PDE1C: variants seen among roughly 807,000 people sequenced by gnomAD.
PDE1C encodes the protein dual specificity calcium/calmodulin-dependent 3',5'-cyclic nucleotide phosphodiesterase 1C.
In PDE1C, 62 loss-of-function variants were observed where a neutral mutation model predicts 93.1. The observed-to-expected ratio is 0.67, with a 90% confidence interval of 0.54 to 0.82. PDE1C has a LOEUF of 0.82. PDE1C is among the 40% of genes least tolerant of loss of function. The pLI is 0.00. For synonymous variants in PDE1C, 325 were observed against 310.1 expected (o/e 1.05, Z -0.50); for missense variants, 742 against 884.6 (o/e 0.84, Z 2.04).
intron 2 of PDE1C, among the ~76,000 whole-genome samples, chr7:32,019,502 T>C (rs553617538): frequency 1.2e-4 from 18 of 152,274 alleles, no homozygotes; most frequent in Admixed American, 8.5e-4. Flanking sequence ...GCAGAACCAT[T>C]AAACTGAAAA....
chr7:31,945,929 G>A (rs1007549465), intron 2 of PDE1C, among the ~76,000 whole-genome samples: 1 of 151,888 alleles, frequency 6.6e-6, no homozygotes, highest in Non-Finnish European at 1.5e-5. Context: ...TAAGTTTACT[G>A]ATTCTTTCCT....
upstream of PDE1C, chr7:32,071,323 C>G: frequency 1.0e-6 from 1 of 985,550 alleles, no homozygotes; most frequent in Non-Finnish European, 1.2e-6. Context: ...AGGTCCCCCA[C>G]AGCCTCACTC....
intron 2 of PDE1C, among the ~76,000 whole-genome samples, chr7:32,170,350 T>C (rs913001448): frequency 1.6e-4 from 25 of 152,026 alleles, no homozygotes; most frequent in African/African-American, 6.0e-4. Context: ...AGCCCAAGAC[T>C]CCATTCTATG....
the PDE1C span, among the ~76,000 whole-genome samples, chr7:31,673,360 T>A: frequency 6.6e-6 from 1 of 151,922 alleles, no homozygotes; most frequent in Non-Finnish European, 1.5e-5. Flanking sequence ...AAGTTGAGGG[T>A]CAGAATTCTT....
chr7:32,037,281 TTTA>T lies in PDE1C; in HGVS notation c.128+14270_128+14272del, dbSNP rs1328110884. Among the ~76,000 whole-genome samples, 3 of 152,226 alleles carry T rather than the reference TTTA, an allele frequency of 2.0e-5. No homozygotes were observed. The East Asian group carries it at 5.8e-4, about 29-fold the overall frequency. ...GCATGTTCTCAAGTAGAGAAAGGTC[TTTA>T]TTAGGTGTTTTCTGTCTTTTGCTTG... On this transcript the variant is annotated intron_variant, in intron 2 of 17. Coordinates refer to ENST00000396191, the MANE Select transcript of PDE1C (RefSeq NM_001191057.4).
chr7:32,241,391 T>C (rs1808533667), intron 1 of PDE1C, among the ~76,000 whole-genome samples: 1 of 151,742 alleles, frequency 6.6e-6, no homozygotes, highest in Non-Finnish European at 1.5e-5. Flanking sequence ...AAGGAGGGAG[T>C]GGCCAACCAT....
the PDE1C span, among the ~76,000 whole-genome samples, chr7:31,704,619 C>G: frequency 6.6e-6 from 1 of 152,116 alleles, no homozygotes; most frequent in Non-Finnish European, 1.5e-5. Flanking sequence ...GTGAAATATG[C>G]GGTAACAGAG....
intron 6 of PDE1C, 114 bp from the exon 7 acceptor site, chr7:31,865,196 T>C (rs1212486301): frequency 2.1e-6 from 2 of 935,354 alleles, no homozygotes; most frequent in Non-Finnish European, 1.6e-6. Context: ...CATGAGGAAA[T>C]TGGAACTTAC....
chr7:32,186,165 C>T (rs2128817027), intron 2 of PDE1C, among the ~76,000 whole-genome samples: 1 of 149,482 alleles, frequency 6.7e-6, no homozygotes, highest in East Asian at 2.0e-4. Context: ...TGCAGTGGCG[C>T]AATCTCGGCT....
At chr7:32,183,058 A>C (rs1205828796) in intron 2 of PDE1C, among the ~76,000 whole-genome samples, 1 of 152,186 alleles carries the variant, frequency 6.6e-6, no homozygotes, top group Non-Finnish European at 1.5e-5. Flanking sequence ...CAATTGCTTC[A>C]AAGAGAATAA....
intron 1 of PDE1C, among the ~76,000 whole-genome samples, chr7:32,337,866 C>G (rs1426424913): frequency 6.6e-6 from 1 of 152,130 alleles, no homozygotes; most frequent in Non-Finnish European, 1.5e-5. Context: ...AGCCACGGAG[C>G]AAGCAAACGA....
At chr7:32,424,977 G>C (rs977484491) in intron 1 of PDE1C, among the ~76,000 whole-genome samples, 2 of 152,162 alleles carry the variant, frequency 1.3e-5, no homozygotes, top group Non-Finnish European at 2.9e-5. Flanking sequence ...TTTACTAGCT[G>C]TGTGACTAAT....
the PDE1C span, among the ~76,000 whole-genome samples, chr7:31,744,147 G>T: frequency 4.5e-4 from 68 of 152,204 alleles, no homozygotes; most frequent in African/African-American, 1.5e-3. Context: ...CATGGATATT[G>T]TCATTTATTT....
chr7:31,737,597 T>C, the PDE1C span, among the ~76,000 whole-genome samples: 2 of 150,890 alleles, frequency 1.3e-5, no homozygotes, highest in East Asian at 3.9e-4. Flanking sequence ...AGGTCAGGAG[T>C]TCGAGACCAG....
At chr7:31,710,940 A>T in the PDE1C span, among the ~76,000 whole-genome samples, 1 of 152,210 alleles carries the variant, frequency 6.6e-6, no homozygotes, top group Non-Finnish European at 1.5e-5. Context: ...TGGGGAAAAC[A>T]ATGTGTTATT....
At chr7:31,696,215 C>T in the PDE1C span, 1 of 152,352 alleles carries the variant, frequency 6.6e-6, no homozygotes, top group South Asian at 2.1e-4. Flanking sequence ...CCTTGTTTTG[C>T]TTTCTTTTCT....
At chr7:31,963,229 T>C (rs1458656027) in intron 2 of PDE1C, among the ~76,000 whole-genome samples, 1 of 152,156 alleles carries the variant, frequency 6.6e-6, no homozygotes, top group East Asian at 1.9e-4. Context: ...TATTCAATCC[T>C]CACAGTAAGT....
At chr7:32,296,968 T>A (rs993734170) in intron 1 of PDE1C, among the ~76,000 whole-genome samples, 1 of 152,088 alleles carries the variant, frequency 6.6e-6, no homozygotes, top group Non-Finnish European at 1.5e-5. Context: ...GGGTGTGAGC[T>A]CCAACGGAGA....
At chr7:31,963,771 T>G (rs2129036465) in intron 2 of PDE1C, among the ~76,000 whole-genome samples, 1 of 152,332 alleles carries the variant, frequency 6.6e-6, no homozygotes, top group South Asian at 2.1e-4. Flanking sequence ...CACCTACTTA[T>G]TAACTCAGTC....
Sources: gnomAD v4.1 joint callset for allele counts (sites outside exome capture counted in the v4.1 genomes callset) on GRCh38, gnomAD v4.1.1 for gene constraint, MANE v1.5 for transcripts, NCBI Gene and HGNC (gene_info 2026-07-23, HGNC 2026-07-21) for gene names.